The following TRIM4 variants were observed in gnomAD, a reference collection of about 807,000 sequenced individuals.
TRIM4 encodes the protein tripartite motif containing 4, also known as E3 ubiquitin-protein ligase TRIM4.
A neutral mutation model predicts 33.7 loss-of-function variants in TRIM4; 29 were observed. That is an observed-to-expected ratio of 0.86 (90% CI 0.64 to 1.17). TRIM4 has a LOEUF of 1.17. TRIM4 is among the 50% of genes most tolerant of loss of function. TRIM4 has a pLI of 0.00. For synonymous variants in TRIM4, 224 were observed against 233.0 expected (o/e 0.96, Z 0.35); for missense variants, 554 against 593.7 (o/e 0.93, Z 0.69).
At chr7:99,909,733 T>G (rs989774074) in intron 1 of TRIM4, 73 bp from the exon 2 acceptor site, 18,300 of 882,454 alleles carry the variant, frequency 0.021, 278 homozygotes, top group Middle Eastern at 0.049. Context: ...CTTTTTGTTT[T>G]TTTTTTTTTT....
intron 3 of TRIM4, among the ~76,000 whole-genome samples, chr7:99,907,398 C>T (rs1819333088): frequency 6.6e-6 from 1 of 152,266 alleles, no homozygotes; most frequent in Non-Finnish European, 1.5e-5. Flanking sequence ...GCGTGAGCCA[C>T]TGCACCCGGC....
chr7:99,898,507 C>A (rs1473447939), intron 5 of TRIM4, among the ~76,000 whole-genome samples: 1 of 152,216 alleles, frequency 6.6e-6, no homozygotes, highest in Non-Finnish European at 1.5e-5. Context: ...GCCTTACTTA[C>A]CCTAAAATTG....
chr7:99,910,592 T>A (rs1358559467), intron 1 of TRIM4, among the ~76,000 whole-genome samples: 2 of 152,180 alleles, frequency 1.3e-5, no homozygotes, highest in Non-Finnish European at 2.9e-5. Context: ...TGTGTGTGTA[T>A]TTGTATGTGA....
chr7:99,913,720 A>C (rs1331654058), intron 1 of TRIM4, among the ~76,000 whole-genome samples: 1 of 152,066 alleles, frequency 6.6e-6, no homozygotes, highest in East Asian at 1.9e-4. Context: ...TTTAAAAATC[A>C]CTTTCTCTTA....
intron 5 of TRIM4, chr7:99,902,010 T>TGA: frequency 1.4e-6 from 1 of 690,202 alleles, no homozygotes; most frequent in Non-Finnish European, 2.6e-6. Flanking sequence ...CAGCCTTACA[T>TGA]GGTCTGGAAA....
chr7:99,903,741 G>A, intron 3 of TRIM4, 143 bp from the exon 4 acceptor site: 1 of 880,650 alleles, frequency 1.1e-6, no homozygotes, highest in Admixed American at 2.0e-5. Context: ...CAGATTGACA[G>A]AATCTGGTCC....
chr7:99,918,212 C>G (rs1165547604), intron 1 of TRIM4, among the ~76,000 whole-genome samples: 1 of 152,146 alleles, frequency 6.6e-6, no homozygotes, highest in Non-Finnish European at 1.5e-5. Context: ...TTCCAAACTG[C>G]TATGTGTTGT....
At chr7:99,894,071 C>T (rs1818957717) in intron 5 of TRIM4, among the ~76,000 whole-genome samples, 1 of 150,592 alleles carries the variant, frequency 6.6e-6, no homozygotes, top group Admixed American at 6.7e-5. Context: ...GATTATTATA[C>T]ATTATCCTTT....
At chr7:99,911,782 C>T (rs1480598778) in intron 1 of TRIM4, among the ~76,000 whole-genome samples, 1 of 152,166 alleles carries the variant, frequency 6.6e-6, no homozygotes, top group Non-Finnish European at 1.5e-5. Flanking sequence ...AGCAATTCTA[C>T]TCCTAGACCC....
Position 99,919,066 on chromosome 7 carries a change from G to C in TRIM4, c.336C>G (p.Ser112=). 6.3e-7 allele frequency: 1 copy of C among 1,575,044 alleles called. No homozygotes were observed. The highest frequency in any genetic ancestry group is 8.6e-7 in the Non-Finnish European group (1 of 1,162,604). Residue 112 remains serine (S), a synonymous_variant, in exon 1 of 6, where the codon TCC becomes TCG. Transcript: ENST00000349062. The part of the protein sequence containing the change: ...QRPVCLVCRE[S]QEHQTHAMAP... ...CCATGGCGTGAGTCTGGTGCTCCTG[G>C]GACTCCCTGCACACCAGGCACACTG...
intron 5 of TRIM4, chr7:99,901,509 A>G (rs1435112444): frequency 6.6e-6 from 1 of 151,988 alleles, no homozygotes; most frequent in East Asian, 1.9e-4. Context: ...ATTTCTACCA[A>G]TTTTCTAGGG....
At chr7:99,903,070 T>C (rs1016668941) in intron 5 of TRIM4, 148 bp downstream of exon 5, 2 of 622,468 alleles carry the variant, frequency 3.2e-6, no homozygotes, top group Non-Finnish European at 5.6e-6. Context: ...TAAATGTTTC[T>C]TGAATGAAGT....
At chr7:99,907,056 A>G (rs1418144639) in intron 3 of TRIM4, among the ~76,000 whole-genome samples, 1 of 152,200 alleles carries the variant, frequency 6.6e-6, no homozygotes, top group African/African-American at 2.4e-5. Flanking sequence ...GTAGGTAGAT[A>G]GATAAGTACA....
chr7:99,895,931 TA>T (rs35997738), intron 5 of TRIM4, among the ~76,000 whole-genome samples: 1 of 152,014 alleles, frequency 6.6e-6, no homozygotes, highest in Non-Finnish European at 1.5e-5. Context: ...TCTTTTCCAG[TA>T]AAAAATTGGG....
intron 5 of TRIM4, among the ~76,000 whole-genome samples, chr7:99,894,491 C>T (rs951637535): frequency 6.6e-6 from 1 of 151,998 alleles, no homozygotes; most frequent in Non-Finnish European, 1.5e-5. Flanking sequence ...GGTGAAACCC[C>T]ATCTCTACTA....
Position 99,919,281 on chromosome 7 carries a change from C to G in TRIM4, c.121G>C (p.Ala41Pro). The change falls in exon 1 of 6, where the codon GCG (alanine) becomes CCG (proline). Residue 41 changes from alanine (A) to proline (P), a missense_variant. Ala to Pro is a conservative substitution (Grantham distance 27). Around this residue, in one of 3 missense-constraint regions of TRIM4, gnomAD observed 233 missense variants for 203.1 expected, o/e 1.15. Coordinates refer to ENST00000349062, the MANE Select transcript of TRIM4 (RefSeq NM_033091.3). ...FCRGCLHRNW[A>P]PGGGPFPCPE... ...CAGGGGAACGGGCCGCCGCCCGGCG[C>G]CCAGTTGCGGTGCAGGCAGCCGCGG... is the stretch of plus-strand genomic sequence containing the variant. 6.5e-7 allele frequency: 1 copy of G among 1,549,588 alleles called. No homozygotes were observed. Among genetic ancestry groups the G allele is most frequent in the Non-Finnish European group, 8.7e-7 (1 of 1,147,798 alleles).
chr7:99,896,400 T>C (rs573389579), intron 5 of TRIM4, among the ~76,000 whole-genome samples: 8 of 152,306 alleles, frequency 5.3e-5, no homozygotes, highest in East Asian at 1.9e-4. Context: ...TCAAGGCCCT[T>C]TGATTCGGGT....
chr7:99,892,811 ATCTTTTCCAG>A, intron 5 of TRIM4, 65 bp from the exon 6 acceptor site: 2 of 1,349,370 alleles, frequency 1.5e-6, no homozygotes, highest in Non-Finnish European at 2.0e-6. Flanking sequence ...AGAAATGCCC[ATCTTTTCCAG>A]CATCAGTTTC....
At chr7:99,892,784 A>G (rs368498146) in intron 5 of TRIM4, 38 bp from the exon 6 acceptor site, 1 of 1,523,576 alleles carries the variant, frequency 6.6e-7, no homozygotes. Context: ...GCAGCAGCTT[A>G]TCATCAACCC....
Sources: gnomAD v4.1 joint callset for allele counts (sites outside exome capture counted in the v4.1 genomes callset) on GRCh38, gnomAD v4.1.1 for gene constraint, gnomAD v4.1.1 regional missense constraint, MANE v1.5 for transcripts, NCBI Gene and HGNC (gene_info 2026-07-23, HGNC 2026-07-21) for gene names.